The following TTC14 variants were observed in gnomAD, a reference collection of about 807,000 sequenced individuals.
TTC14 encodes tetratricopeptide repeat domain 14, also known as tetratricopeptide repeat protein 14.
Under a neutral mutation model 79.9 loss-of-function variants are expected in TTC14, and 63 were observed. That is an observed-to-expected ratio of 0.79 (90% CI 0.64 to 0.97). The LOEUF (loss-of-function observed/expected upper bound fraction) is 0.97, where lower values mean the gene tolerates loss of function less well. Among genes scored for constraint, TTC14 ranks in the 50% least tolerant of loss-of-function variants. The pLI, the probability that TTC14 is intolerant of heterozygous loss-of-function variation, is 0.00. For synonymous variants in TTC14, 335 were observed against 309.6 expected (o/e 1.08, Z -0.86); for missense variants, 895 against 894.0 (o/e 1.00, Z -0.01).
Position 180,610,974 on chromosome 3 carries a change from A to G in TTC14, c.*432A>G. On this transcript the variant is annotated 3_prime_UTR_variant, in exon 12 of 12. Coordinates refer to ENST00000296015, the MANE Select transcript of TTC14 (RefSeq NM_133462.4). ...AAATTAAAAATCGTCAGCTTTTGAA[A>G]GATTATATGTTCGAATGTTTCTTGA... 1 of 951,218 alleles carries G rather than the reference A, an allele frequency of 1.1e-6. No individual in the cohort carries two copies. Among genetic ancestry groups the G allele is most frequent in the South Asian group, 4.9e-5 (1 of 20,592 alleles). The allele number at this position is 951,218 out of a possible 1,614,324, so 58.9% of individuals were successfully genotyped here.
chr3:180,617,368 A>T, intron 12 of TTC14: 1 of 568,546 alleles, frequency 1.8e-6, no homozygotes, highest in Non-Finnish European at 3.1e-6. Context: ...ATATACTTTT[A>T]TTATTTTACA....
rs1716941660 is a variant in TTC14 at position 180,610,472 on chromosome 3, A to G, written c.2243A>G (p.Gln748Arg). 8 of 1,605,528 alleles carry G rather than the reference A, an allele frequency of 5.0e-6. No individual in the cohort carries two copies. The highest frequency in any genetic ancestry group is 2.2e-5 in the East Asian group (1 of 44,836). ...AGCAGTGTTAAGAAAAATTTACCTC[A>G]GAATTTACTGAATATATTTAATCAG... The part of the protein sequence containing the change: ...SESSVKKNLP[Q>R]NLLNIFNQIA... Residue 748 changes from glutamine to arginine, a missense_variant, in exon 12 of 12, where the codon CAG (glutamine) becomes CGG (arginine). By Grantham distance (43) the Gln-to-Arg change is conservative (BLOSUM62 1). Transcript: ENST00000296015.
chr3:180,604,572 T>C lies in TTC14; in HGVS notation c.666T>C (p.Gly222=), dbSNP rs372176312. The C allele has an allele frequency of 1.5e-4, 235 of 1,610,642 alleles. No homozygotes were observed. The highest frequency in any genetic ancestry group is 9.2e-4 in the Middle Eastern group (5 of 5,434). Residue 222 remains glycine (G), a synonymous_variant, in exon 5 of 12, where the codon GGT becomes GGC. Transcript: ENST00000296015. Reference sequence around the variant, plus strand: ...CACACCTATCTGGTATTAAATTAGGTGTAATTAGCTCTGAAGAGCTTCCTT... The same window carrying C: ...CACACCTATCTGGTATTAAATTAGGCGTAATTAGCTCTGAAGAGCTTCCTT... ...LPPHLSGIKL[G]VISSEELPLY... is the part of the protein sequence containing the mutation.
At chr3:180,606,946 C>T (rs1428112793) in intron 9 of TTC14, among the ~76,000 whole-genome samples, 2 of 152,082 alleles carry the variant, frequency 1.3e-5, no homozygotes, top group Non-Finnish European at 2.9e-5. Flanking sequence ...CTAGTAACTA[C>T]TTATATGTGG....
chr3:180,605,517 G>A (rs1009156333), intron 6 of TTC14: 41 of 319,308 alleles, frequency 1.3e-4, no homozygotes, highest in Middle Eastern at 9.5e-4. Context: ...TCCTGACCTC[G>A]TGATCCACCC....
At chr3:180,617,893 T>TCACC (rs1424933500), downstream of TTC14, 1 of 156,894 alleles carries the variant, frequency 6.4e-6, no homozygotes, top group Non-Finnish European at 1.4e-5. Flanking sequence ...TCACATTCTC[T>TCACC]CACCACTCAC....
At chr3:180,607,363 A>C (rs1210241135) in intron 9 of TTC14, among the ~76,000 whole-genome samples, 32 of 152,192 alleles carry the variant, frequency 2.1e-4, no homozygotes, top group Admixed American at 2.0e-3. Context: ...CTAAAATTCA[A>C]GATCATACTA....
At chr3:180,605,561 G>A (rs975096864) in intron 6 of TTC14, 37 of 433,460 alleles carry the variant, frequency 8.5e-5, no homozygotes, top group Admixed American at 8.5e-4. Context: ...GATTACAGGC[G>A]TGAGCCACCG....
chr3:180,605,547 T>C (rs556748486), intron 6 of TTC14: 118 of 392,982 alleles, frequency 3.0e-4, no homozygotes, highest in African/African-American at 2.3e-3. Flanking sequence ...TCCCAAAGTG[T>C]TGGGATTACA....
chr3:180,613,411 T>G (rs1001608309), downstream of TTC14, among the ~76,000 whole-genome samples: 2 of 152,210 alleles, frequency 1.3e-5, no homozygotes, highest in Admixed American at 1.3e-4. Context: ...GGATTAAATG[T>G]AGATTCGTAT....
intron 11 of TTC14, 36 bp downstream of exon 11, chr3:180,608,846 C>T: frequency 7.1e-7 from 1 of 1,410,622 alleles, no homozygotes; most frequent in Non-Finnish European, 9.2e-7. Flanking sequence ...AAACTTAAGG[C>T]AACTACTGAA....
Position 180,611,055 on chromosome 3 carries a change from A to G in TTC14, c.*513A>G. 1.0e-6 allele frequency: 1 copy of G among 962,250 alleles called. No homozygotes were observed. 59.6% of individuals were successfully genotyped at this position (962,250 alleles called of 1,614,324 possible). A position where few individuals can be genotyped will look rare whatever the true frequency, so the allele number is the denominator to read the frequency against. On this transcript the variant is annotated 3_prime_UTR_variant, in exon 12 of 12. Coordinates refer to ENST00000296015, the MANE Select transcript of TTC14 (RefSeq NM_133462.4). The stretch of plus-strand genomic sequence containing the variant: ...CATTTTTTGCCCAATTTTTTTTAAA[A>G]TTTTTAAATGGTAGATTATATGTCT...
intron 9 of TTC14, 64 bp downstream of exon 9, chr3:180,606,667 A>C: frequency 1.3e-6 from 2 of 1,536,670 alleles, no homozygotes; most frequent in South Asian, 2.6e-5. Flanking sequence ...AAAAATTTTG[A>C]ACTTAAGGAA....
chr3:180,604,608 G>A lies in TTC14; in HGVS notation c.701+1G>A, dbSNP rs769723528. The A allele has an allele frequency of 6.3e-7, 1 of 1,593,192 alleles. No individual in the cohort carries two copies. Among genetic ancestry groups the A allele is most frequent in the Non-Finnish European group, 8.5e-7 (1 of 1,174,280 alleles). On this transcript the variant is annotated splice_donor_variant, in intron 5 of 11. Transcript: ENST00000296015. LOFTEE classifies it high-confidence loss of function. ...CTGAAGAGCTTCCTTTATACTACAG[G>A]TAATTTATCCGTATTATTTCAACAA...
At chr3:180,602,604 C>A (rs1716428769) in intron 1 of TTC14, 182 bp downstream of exon 1, 2 of 833,916 alleles carry the variant, frequency 2.4e-6, no homozygotes, top group Non-Finnish European at 3.6e-6. Flanking sequence ...ATGCGGGATG[C>A]GGGCTGAACT....
At chr3:180,607,981 C>T (rs1716784728) in intron 10 of TTC14, 1 of 1,284,138 alleles carries the variant, frequency 7.8e-7, no homozygotes, top group Non-Finnish European at 9.8e-7. Context: ...AAAACTATTA[C>T]CTAAATTTGG....
chr3:180,617,471 T>C (rs1717290737), exon 13 of TTC14: 5 of 687,922 alleles, frequency 7.3e-6, no homozygotes, highest in South Asian at 6.3e-5. Flanking sequence ...TTATCATAGA[T>C]GACAGCTCCA....
At chr3:180,603,414 A>T in intron 3 of TTC14, 91 bp downstream of exon 3, 1 of 1,100,212 alleles carries the variant, frequency 9.1e-7, no homozygotes, top group Non-Finnish European at 1.4e-6. Flanking sequence ...GTGCTCAAGT[A>T]TACCTGCCAA....
At chr3:180,606,722 A>T (rs956148239) in intron 9 of TTC14, 119 bp downstream of exon 9, 1 of 1,209,328 alleles carries the variant, frequency 8.3e-7, no homozygotes, top group Non-Finnish European at 1.1e-6. Context: ...GGTTTCAATA[A>T]ATAAATGGGA....
Sources: gnomAD v4.1 joint callset for allele counts (sites outside exome capture counted in the v4.1 genomes callset) on GRCh38, gnomAD v4.1.1 for gene constraint, MANE v1.5 for transcripts, NCBI Gene and HGNC (gene_info 2026-07-23, HGNC 2026-07-21) for gene names.